RPS28: variants seen among roughly 807,000 people sequenced by gnomAD.
The protein encoded by RPS28 is small ribosomal subunit protein eS28.
In RPS28, 2 loss-of-function variants were observed where a neutral mutation model predicts 9.4. The observed-to-expected ratio is 0.21, with a 90% CI of 0.09 to 0.67. RPS28 has a LOEUF of 0.67. Among genes scored for constraint, RPS28 ranks in the 30% least tolerant of loss-of-function variants. The probability of loss-of-function intolerance (pLI) is 0.82; values close to 1 mark genes in which losing one functional copy is unlikely to be tolerated. For synonymous variants in RPS28, 41 were observed against 37.8 expected (o/e 1.08, Z -0.31); for missense variants, 35 against 95.3 (o/e 0.37, Z 2.63).
In RPS28 at chr19:8,321,991, C is replaced by T. The variant is rs750119691; in HGVS notation, c.126C>T (p.Ile42=). The T allele has an allele frequency of 1.2e-6, 2 of 1,613,112 alleles. No individual in the cohort carries two copies. The highest frequency in any genetic ancestry group is 1.7e-6 in the Non-Finnish European group (2 of 1,179,632). Residue 42 remains isoleucine (I), a synonymous_variant, in exon 3 of 4, where the codon ATC becomes ATT. Coordinates refer to ENST00000600659, the MANE Select transcript of RPS28 (RefSeq NM_001031.5). The stretch of plus-strand genomic sequence containing the variant: ...TCATGGACGACACGAGCCGATCCAT[C>T]ATCCGCAATGTAAAAGGCCCCGTGC... ...VEFMDDTSRS[I]IRNVKGPVRE...
In RPS28 at chr19:8,322,532, CG is replaced by C. The variant is rs1291372026; in HGVS notation, c.*283del. ...CAAACGAAGCTTTTCCTTTTTGAGG[CG>C]GGGGGTCGTGTTTGTCGATTGCACC... On this transcript the variant is annotated 3_prime_UTR_variant, in exon 4 of 4. Coordinates refer to ENST00000600659, the MANE Select transcript of RPS28 (RefSeq NM_001031.5). 2 of 491,012 alleles carry C rather than the reference CG, an allele frequency of 4.1e-6. No homozygotes were observed. The highest frequency in any genetic ancestry group is 3.7e-6 in the Non-Finnish European group (1 of 268,024). 30.4% of individuals were successfully genotyped at this position (491,012 alleles called of 1,614,324 possible).
intron 3 of RPS28, 22 bp downstream of exon 3, chr19:8,322,113 C>T (rs762266865): frequency 3.1e-6 from 5 of 1,605,390 alleles, no homozygotes; most frequent in East Asian, 4.5e-5. Context: ...GAGGACACCC[C>T]TTTGATAGAC....
chr19:8,321,922 C>A, intron 2 of RPS28, 31 bp from the exon 3 acceptor site: 1 of 1,610,520 alleles, frequency 6.2e-7, no homozygotes, highest in Non-Finnish European at 8.5e-7. Context: ...CCCGCCCTTA[C>A]TTCTTCCTCC....
chr19:8,321,581 G>C lies in RPS28; in HGVS notation c.39+12G>C. The C allele has an allele frequency of 1.3e-6, 2 of 1,575,332 alleles. No homozygotes were observed. The highest frequency in any genetic ancestry group is 1.2e-5 in the South Asian group (1 of 86,480). ...TCAAGCTGGCCAGGGTGAGGTGGGG[G>C]CCCGAATTTGGGGGCAGGGGGAGGG... On this transcript the variant is annotated intron_variant, in intron 1 of 3. Transcript: ENST00000600659.
At position 8,323,184 on chromosome 19, in the gene RPS28, G is replaced by A. The variant is rs1599637619; in HGVS notation, c.*929G>A. ...ACATCATAGGTTGAAAGTATTGCAA[G>A]TTGAAATGTGTTTAATACACCTAAT... On this transcript the variant is annotated 3_prime_UTR_variant, in exon 4 of 4. Transcript: ENST00000600659. The A allele has an allele frequency of 3.3e-6, 1 of 302,350 alleles. No homozygotes were observed. Among genetic ancestry groups the A allele is most frequent in the South Asian group, 1.2e-4 (1 of 8,066 alleles). 18.7% of individuals were successfully genotyped at this position (302,350 alleles called of 1,614,324 possible). A position where few individuals can be genotyped will look rare whatever the true frequency, so the allele number is the denominator to read the frequency against.
In RPS28 at chr19:8,321,942, G is replaced by T; in HGVS notation, c.88-11G>T. 1 of 1,611,688 alleles carries T rather than the reference G, an allele frequency of 6.2e-7. No homozygotes were observed. The highest frequency in any genetic ancestry group is 8.5e-7 in the Non-Finnish European group (1 of 1,179,232). ...CCTTACTTCTTCCTCCACTCCGGTG[G>T]GGACCCGTAGGTGCGCGTGGAATTC... On this transcript the variant is annotated splice_polypyrimidine_tract_variant and intron_variant, in intron 2 of 3. Coordinates refer to ENST00000600659, the MANE Select transcript of RPS28 (RefSeq NM_001031.5).
chr19:8,322,014 T>C lies in RPS28; in HGVS notation c.149T>C (p.Val50Ala). 1 of 1,613,038 alleles carries C rather than the reference T, an allele frequency of 6.2e-7. No individual in the cohort carries two copies. ...RSIIRNVKGPVREGDVLTLLE... is the reference protein window; with the variant it reads ...RSIIRNVKGPAREGDVLTLLE... ...ATCATCCGCAATGTAAAAGGCCCCGTGCGCGAGGGCGACGTGCTCACCCTT... is the reference window on the plus strand; with the variant it reads ...ATCATCCGCAATGTAAAAGGCCCCGCGCGCGAGGGCGACGTGCTCACCCTT... The change falls in exon 3 of 4, where the codon GTG (valine) becomes GCG (alanine). Residue 50 changes from valine to alanine, a missense_variant. By Grantham distance (64) the Val-to-Ala change is moderately conservative. This residue lies in a region of RPS28 where 10 missense variants were observed against 62.8 expected (regional missense o/e 0.16). Coordinates refer to ENST00000600659, the MANE Select transcript of RPS28 (RefSeq NM_001031.5).
rs535971517 is a variant in RPS28, at chr19:8,322,915, G to T, written c.*660G>T. The T allele has an allele frequency of 8.5e-6, 13 of 1,535,646 alleles. No individual in the cohort carries two copies. The highest frequency in any genetic ancestry group is 1.7e-4 in the Middle Eastern group (1 of 5,738). ...TGTGGCTGTCTGGGAGCCAGGGGGTGACTCGCTCTGGAGAGAGGGGAAAAG... is the reference window on the plus strand; with the variant it reads ...TGTGGCTGTCTGGGAGCCAGGGGGTTACTCGCTCTGGAGAGAGGGGAAAAG... On this transcript the variant is annotated 3_prime_UTR_variant, in exon 4 of 4. Transcript: ENST00000600659.
chr19:8,322,492 G>GCC lies in RPS28; in HGVS notation c.*238_*239dup. On this transcript the variant is annotated 3_prime_UTR_variant, in exon 4 of 4. Transcript: ENST00000600659. ...GATCCTCCGCACTCTGGAAATCCTG[G>GCC]CCGTGCGGTCTTGCCAAACGAAGCT... The GCC allele has an allele frequency of 2.0e-6, 1 of 507,112 alleles. No homozygotes were observed. The allele number at this position is 507,112 out of a possible 1,614,324, so 31.4% of individuals were successfully genotyped here.
Position 8,321,509 on chromosome 19 carries a change from A to C in RPS28, c.-22A>C, listed in dbSNP as rs538520411. 27 of 1,574,974 alleles carry C rather than the reference A, an allele frequency of 1.7e-5. No individual in the cohort carries two copies. Among genetic ancestry groups the C allele is most frequent in the East Asian group, 1.4e-4 (6 of 42,958 alleles). On this transcript the variant is annotated 5_prime_UTR_variant, in exon 1 of 4. Transcript: ENST00000600659. ...CCGAAGCACGTGACTCCTCTCCGCC[A>C]GACCGCCGCCGCGCCGCCATCATGG...
chr19:8,321,731 T>G, intron 2 of RPS28, 28 bp downstream of exon 2: 1 of 1,550,624 alleles, frequency 6.4e-7, no homozygotes, highest in Non-Finnish European at 8.7e-7. Context: ...TTTGGCCGAC[T>G]GCCGGCGACC....
chr19:8,321,854 G>A (rs1970322031), intron 2 of RPS28, 99 bp from the exon 3 acceptor site: 2 of 1,538,782 alleles, frequency 1.3e-6, no homozygotes, highest in Non-Finnish European at 1.8e-6. Flanking sequence ...CTGTATTCTG[G>A]CCCCGACACG....
At position 8,321,540 on chromosome 19, in the gene RPS28, A is replaced by T; in HGVS notation, c.10A>T (p.Ser4Cys). Residue 4 changes from serine (S) to cysteine (C), a missense_variant, in exon 1 of 4, where the codon AGC (serine) becomes TGC (cysteine). By Grantham distance (112) the Ser-to-Cys change is moderately radical. Coordinates refer to ENST00000600659, the MANE Select transcript of RPS28 (RefSeq NM_001031.5). ...CCGCCGCGCCGCCATCATGGACACC[A>T]GCCGTGTGCAGCCTATCAAGCTGGC... is the stretch of plus-strand genomic sequence containing the variant. The part of the protein sequence containing the change: MDT[S>C]RVQPIKLARV... The T allele has an allele frequency of 1.3e-6, 2 of 1,587,328 alleles. No homozygotes were observed. The highest frequency in any genetic ancestry group is 1.7e-6 in the Non-Finnish European group (2 of 1,168,642).
In RPS28 at chr19:8,323,026, C is replaced by A; in HGVS notation, c.*771C>A. On this transcript the variant is annotated 3_prime_UTR_variant, in exon 4 of 4. Coordinates refer to ENST00000600659, the MANE Select transcript of RPS28 (RefSeq NM_001031.5). ...TAGTGGAGGTTCTTTTACCATGGAC[C>A]CAGGCTGCCTGGTTTGTATCCAACC... 3.1e-6 allele frequency: 2 copies of A among 639,786 alleles called. No homozygotes were observed. Among genetic ancestry groups the A allele is most frequent in the Admixed American group, 7.2e-5 (2 of 27,726 alleles). 39.6% of individuals were successfully genotyped at this position (639,786 alleles called of 1,614,324 possible).
chr19:8,322,216 G>T (rs570005656), intron 3 of RPS28, 56 bp from the exon 4 acceptor site: 4 of 1,105,968 alleles, frequency 3.6e-6, no homozygotes, highest in Non-Finnish European at 4.0e-6. Flanking sequence ...AGGGAGGCGG[G>T]AGTTTGCCAA....
In RPS28 at chr19:8,321,499, C is replaced by A. The variant is rs201008233; in HGVS notation, c.-32C>A. ...AAGGCTCTCCCCGAAGCACGTGACT[C>A]CTCTCCGCCAGACCGCCGCCGCGCC... On this transcript the variant is annotated 5_prime_UTR_variant, in exon 1 of 4. Coordinates refer to ENST00000600659, the MANE Select transcript of RPS28 (RefSeq NM_001031.5). 6.4e-7 allele frequency: 1 copy of A among 1,568,288 alleles called. No individual in the cohort carries two copies. The highest frequency in any genetic ancestry group is 2.3e-5 in the East Asian group (1 of 42,684).
Position 8,322,561 on chromosome 19 carries a change from C to G in RPS28, c.*306C>G, listed in dbSNP as rs935599403. On this transcript the variant is annotated 3_prime_UTR_variant, in exon 4 of 4. Coordinates refer to ENST00000600659, the MANE Select transcript of RPS28 (RefSeq NM_001031.5). ...GGGTCGTGTTTGTCGATTGCACCCTCTACCCCAAACAAAACACAAGCGTAG... is the reference window on the plus strand; with the variant it reads ...GGGTCGTGTTTGTCGATTGCACCCTGTACCCCAAACAAAACACAAGCGTAG... The G allele has an allele frequency of 1.9e-6, 1 of 518,020 alleles. No individual in the cohort carries two copies. The highest frequency in any genetic ancestry group is 3.5e-6 in the Non-Finnish European group (1 of 287,102). 32.1% of individuals were successfully genotyped at this position (518,020 alleles called of 1,614,324 possible). A position where few individuals can be genotyped will look rare whatever the true frequency, so the allele number is the denominator to read the frequency against.
chr19:8,321,931 C>T, intron 2 of RPS28, 22 bp from the exon 3 acceptor site: 1 of 1,611,256 alleles, frequency 6.2e-7, no homozygotes, highest in Non-Finnish European at 8.5e-7. Context: ...ACTTCTTCCT[C>T]CACTCCGGTG....
Position 8,322,532 on chromosome 19 carries a change from C to G in RPS28, c.*277C>G. ...CAAACGAAGCTTTTCCTTTTTGAGG[C>G]GGGGGGTCGTGTTTGTCGATTGCAC... is the stretch of plus-strand genomic sequence containing the variant. On this transcript the variant is annotated 3_prime_UTR_variant, in exon 4 of 4. Transcript: ENST00000600659. 2.0e-6 allele frequency: 1 copy of G among 491,020 alleles called. No individual in the cohort carries two copies. Among genetic ancestry groups the G allele is most frequent in the Non-Finnish European group, 3.7e-6 (1 of 268,028 alleles). 30.4% of individuals were successfully genotyped at this position (491,020 alleles called of 1,614,324 possible).
Sources: gnomAD v4.1 joint callset for allele counts on GRCh38, gnomAD v4.1.1 for gene constraint, gnomAD v4.1.1 regional missense constraint, MANE v1.5 for transcripts, NCBI Gene and HGNC (gene_info 2026-07-23, HGNC 2026-07-21) for gene names.